Variants in RPS6KA2 observed in about 807,000 individuals in gnomAD.
RPS6KA2 encodes the protein ribosomal protein S6 kinase alpha-2.
Under a neutral mutation model 91.8 loss-of-function variants are expected in RPS6KA2, and 42 were observed. The ratio of observed to expected loss-of-function variants is 0.46; its 90% CI spans 0.36 to 0.59. The LOEUF is 0.59. RPS6KA2 is among the 20% of genes least tolerant of loss of function. The pLI, the probability that RPS6KA2 is intolerant of heterozygous loss-of-function variation, is 0.00. For synonymous variants in RPS6KA2, 414 were observed against 393.6 expected (o/e 1.05, Z -0.61); for missense variants, 798 against 978.5 (o/e 0.82, Z 2.46).
At chr6:166,631,536 C>T (rs1376620543), upstream of RPS6KA2, among the ~76,000 whole-genome samples, 1 of 152,240 alleles carries the variant, frequency 6.6e-6, no homozygotes, top group Non-Finnish European at 1.5e-5. Flanking sequence ...TTTTTAAATA[C>T]TATGTTCCTT....
intron 2 of RPS6KA2, among the ~76,000 whole-genome samples, chr6:166,850,251 A>G (rs907506738): frequency 1.3e-5 from 2 of 152,148 alleles, no homozygotes; most frequent in Non-Finnish European, 2.9e-5. Context: ...AGGATAACAA[A>G]CTATACAATT....
intron 2 of RPS6KA2, among the ~76,000 whole-genome samples, chr6:166,680,745 AG>A (rs1225373712): frequency 1.3e-5 from 2 of 152,222 alleles, no homozygotes; most frequent in African/African-American, 4.8e-5. Context: ...TGAAGGAACA[AG>A]CTCCAGACAT....
intron 10 of RPS6KA2, among the ~76,000 whole-genome samples, chr6:166,471,145 G>A (rs1583177563): frequency 6.6e-6 from 1 of 152,194 alleles, no homozygotes; most frequent in East Asian, 1.9e-4. Context: ...ATGCCCCTTC[G>A]TGGAGCCCCC....
rs374750591 is a variant in RPS6KA2, at chr6:166,554,513, G to A, written c.100-15729C>T. Reference sequence around the variant, plus strand: ...TCTATTCCTCTTCCCAGCTCCGGATGTGCATCCTGTGTGGGGACAGAGAGA... The same window carrying A: ...TCTATTCCTCTTCCCAGCTCCGGATATGCATCCTGTGTGGGGACAGAGAGA... On this transcript the variant is annotated intron_variant, in intron 1 of 20. Transcript: ENST00000265678. The surrounding 1 kb of genome is among the most constrained non-coding windows in gnomAD (Gnocchi z 4.3). Among the ~76,000 whole-genome samples the A allele has an allele frequency of 3.9e-5, 6 of 152,326 alleles. No homozygotes were observed. In the East Asian group the frequency reaches 9.6e-4, roughly 24 times the overall value.
At chr6:166,430,981 G>A (rs9459669) in intron 15 of RPS6KA2, among the ~76,000 whole-genome samples, 9,370 of 152,090 alleles carry the variant, frequency 0.062, 842 homozygotes, top group African/African-American at 0.2. Flanking sequence ...CTGAAGTGCA[G>A]TGGCGCCATC....
chr6:166,750,700 A>G (rs1791253719), intron 2 of RPS6KA2, among the ~76,000 whole-genome samples: 1 of 152,190 alleles, frequency 6.6e-6, no homozygotes, highest in Non-Finnish European at 1.5e-5. Flanking sequence ...GATGGGTGTC[A>G]TTGGTCTGGG....
At position 166,666,289 on chromosome 6, in the gene RPS6KA2, A is replaced by G. The variant is rs1788313517; in HGVS notation, c.124-127505T>C. Among the ~76,000 whole-genome samples, 1 of 152,204 alleles carries G rather than the reference A, an allele frequency of 6.6e-6. No individual in the cohort carries two copies. The highest frequency in any genetic ancestry group is 2.4e-5 in the African/African-American group (1 of 41,462). On this transcript the variant is annotated intron_variant, in intron 2 of 21. Coordinates refer to the RPS6KA2 transcript ENST00000503859. This position sits in a 1 kb window ranked among gnomAD's most constrained non-coding sequence, Gnocchi z 4.0. Reference sequence around the variant, plus strand: ...AGGGGGCAAGGGAGCACTCTGTAAAAGCAGGGGATGATGTGTAAACCCATC... The same window carrying G: ...AGGGGGCAAGGGAGCACTCTGTAAAGGCAGGGGATGATGTGTAAACCCATC...
rs184542585 is a variant in RPS6KA2 at position 166,434,654 on chromosome 6, G to A, written c.1333-2164C>T. 3.3e-5 allele frequency among the ~76,000 whole-genome samples: 5 copies of A among 152,312 alleles called. No homozygotes were observed. The East Asian group carries it at 9.6e-4, about 29-fold the overall frequency. ...AAATTTATAAAAGAATTCAGTAGAA[G>A]ATTTTTTCGCAAATATGATTTCATG... On this transcript the variant is annotated intron_variant, in intron 14 of 20. Transcript: ENST00000265678. The surrounding 1 kb of genome is among the most constrained non-coding windows in gnomAD (Gnocchi z 4.4).
intron 10 of RPS6KA2, among the ~76,000 whole-genome samples, chr6:166,481,520 C>T (rs749183107): frequency 5.3e-5 from 8 of 152,110 alleles, no homozygotes; most frequent in Non-Finnish European, 1.2e-4. Flanking sequence ...AAAGTATGTG[C>T]TGCAGTGTGG....
intron 10 of RPS6KA2, among the ~76,000 whole-genome samples, chr6:166,477,332 G>A (rs1781015747): frequency 6.6e-6 from 1 of 152,142 alleles, no homozygotes; most frequent in African/African-American, 2.4e-5. Flanking sequence ...GAGCTTCCAG[G>A]GGGCTGGTAT....
chr6:166,562,357 TGTTA>T (rs1185837117), intron 1 of RPS6KA2, among the ~76,000 whole-genome samples: 1 of 152,204 alleles, frequency 6.6e-6, no homozygotes, highest in Non-Finnish European at 1.5e-5. Context: ...TTTATATTAT[TGTTA>T]GTATCACCCA....
chr6:166,830,451 C>T (rs1780158039), intron 2 of RPS6KA2, among the ~76,000 whole-genome samples: 1 of 152,104 alleles, frequency 6.6e-6, no homozygotes, highest in Admixed American at 6.6e-5. Context: ...GATGGTTGTA[C>T]AATGATGTGA....
rs1345499246 is a variant in RPS6KA2 at position 166,614,905 on chromosome 6, A to T, written c.99+12016T>A. On this transcript the variant is annotated intron_variant, in intron 1 of 20. Transcript: ENST00000265678. ...ACATCACGCCATCTCCAGGTCCTTA[A>T]CTTGATCGCACCTACAAAGCCCATT... Among the ~76,000 whole-genome samples, 3 of 152,110 alleles carry T rather than the reference A, an allele frequency of 2.0e-5. No homozygotes were observed. In the East Asian group the frequency reaches 5.8e-4, roughly 29 times the overall value.
intron 2 of RPS6KA2, among the ~76,000 whole-genome samples, chr6:166,684,378 C>T (rs1788940257): frequency 6.6e-6 from 1 of 152,222 alleles, no homozygotes; most frequent in Admixed American, 6.5e-5. Flanking sequence ...ATAAATATGA[C>T]TGCAGGCCTG....
At chr6:166,668,686 C>T (rs1788387354) in intron 2 of RPS6KA2, among the ~76,000 whole-genome samples, 1 of 152,126 alleles carries the variant, frequency 6.6e-6, no homozygotes, top group South Asian at 2.1e-4. Context: ...TGAAGAGGCA[C>T]AGGGAGGCTG....
At chr6:166,815,870 T>C (rs1244761363) in intron 2 of RPS6KA2, among the ~76,000 whole-genome samples, 1 of 152,218 alleles carries the variant, frequency 6.6e-6, no homozygotes, top group African/African-American at 2.4e-5. Context: ...CCTCCATCTA[T>C]GATAATTCAT....
chr6:166,667,929 C>T (rs757944742), intron 2 of RPS6KA2, among the ~76,000 whole-genome samples: 1 of 152,194 alleles, frequency 6.6e-6, no homozygotes, highest in African/African-American at 2.4e-5. Flanking sequence ...TTCCTGCCTG[C>T]GTCGTTGGTA....
chr6:166,718,138 G>A (rs1243348253), intron 2 of RPS6KA2, among the ~76,000 whole-genome samples: 1 of 152,140 alleles, frequency 6.6e-6, no homozygotes, highest in Non-Finnish European at 1.5e-5. Context: ...GTGAACCACT[G>A]TGCCCGGCCC....
At chr6:166,604,371 G>A (rs1583318681) in intron 1 of RPS6KA2, among the ~76,000 whole-genome samples, 1 of 152,118 alleles carries the variant, frequency 6.6e-6, no homozygotes, top group Admixed American at 6.5e-5. Context: ...TTGGGGGTTT[G>A]GAATGAGTAT....
Sources: gnomAD v4.1 joint callset for allele counts (sites outside exome capture counted in the v4.1 genomes callset) on GRCh38, gnomAD v4.1.1 for gene constraint, Gnocchi (gnomAD v3.1) non-coding constraint, MANE v1.5 for transcripts, NCBI Gene and HGNC (gene_info 2026-07-23, HGNC 2026-07-21) for gene names.